Variants in PCDHA6 observed in about 807,000 individuals in gnomAD.
PCDHA6 encodes protocadherin alpha 6.
Under a neutral mutation model 60.3 loss-of-function variants are expected in PCDHA6, and 55 were observed. That is an observed-to-expected ratio of 0.91 (90% confidence interval 0.73 to 1.14). The LOEUF (loss-of-function observed/expected upper bound fraction) is 1.14. Ranked by LOEUF, PCDHA6 falls within the 50% of genes most tolerant of loss-of-function variation. The pLI, the probability that PCDHA6 is intolerant of heterozygous loss-of-function variation, is 0.00. For missense variants in PCDHA6, 1,327 were observed against 1,256.5 expected (o/e 1.06, Z -0.85); for synonymous variants, 652 against 557.9 (o/e 1.17, Z -2.38).
At chr5:140,847,615 C>T (rs1488974977) in intron 1 of PCDHA6, 1 of 149,268 alleles carries the variant, frequency 6.7e-6, no homozygotes, top group Non-Finnish European at 1.5e-5. Flanking sequence ...AATAACATTA[C>T]ACAAACTATA....
chr5:140,851,439 G>C (rs2042060539), intron 1 of PCDHA6: 1 of 927,140 alleles, frequency 1.1e-6, no homozygotes, highest in African/African-American at 1.8e-5. Flanking sequence ...GAAAACAGTT[G>C]CTCCACTTTA....
Position 140,928,056 on chromosome 5 carries a change from G to A in PCDHA6, c.2395-50893G>A, listed in dbSNP as rs183490994. ...CTAGTGCAGGCCCTTTTCAGCTGAC[G>A]GCTTCCTTTGACAACTACTACAGCC... On this transcript the variant is annotated intron_variant, in intron 1 of 3. Coordinates refer to ENST00000529310, the MANE Select transcript of PCDHA6 (RefSeq NM_018909.4). The A allele has an allele frequency of 2.8e-5, 45 of 1,614,154 alleles. 1 individual carries two copies. The East Asian group carries it at 4.7e-4, about 17-fold the overall frequency.
intron 1 of PCDHA6, among the ~76,000 whole-genome samples, chr5:140,948,738 A>T (rs1347138284): frequency 6.6e-6 from 1 of 151,488 alleles, no homozygotes; most frequent in African/African-American, 2.4e-5. Flanking sequence ...CTAGCTGAGA[A>T]TTTATCAATT....
intron 1 of PCDHA6, among the ~76,000 whole-genome samples, chr5:140,977,977 C>T (rs193229659): frequency 2.0e-5 from 3 of 152,222 alleles, no homozygotes; most frequent in South Asian, 2.1e-4. Context: ...CCCATGAAAA[C>T]GCATCTAGAG....
At chr5:140,944,124 G>T (rs922088265) in intron 1 of PCDHA6, among the ~76,000 whole-genome samples, 10 of 152,200 alleles carry the variant, frequency 6.6e-5, no homozygotes, top group Admixed American at 6.5e-4. Context: ...TACCAGAGAA[G>T]AAAAGGTTGA....
chr5:140,988,936 T>C (rs2097321406), intron 3 of PCDHA6: 1 of 152,158 alleles, frequency 6.6e-6, no homozygotes, highest in Non-Finnish European at 1.5e-5. Flanking sequence ...ACTGTTCTCT[T>C]AGGCTGCAGT....
At chr5:140,831,986 C>T (rs2150198716) in intron 1 of PCDHA6, among the ~76,000 whole-genome samples, 20 of 152,252 alleles carry the variant, frequency 1.3e-4, no homozygotes, top group African/African-American at 3.9e-4. Context: ...ACTCTCATTA[C>T]GGATTCCATA....
intron 1 of PCDHA6, among the ~76,000 whole-genome samples, chr5:140,947,885 A>G (rs2094188913): frequency 6.6e-6 from 1 of 151,584 alleles, no homozygotes; most frequent in Non-Finnish European, 1.5e-5. Context: ...AGGACAATAT[A>G]AACAGAAGTG....
intron 1 of PCDHA6, chr5:140,863,191 G>A: frequency 1.2e-6 from 1 of 802,224 alleles, no homozygotes; most frequent in Non-Finnish European, 2.1e-6. Flanking sequence ...CACCGTGGTG[G>A]CGTCGCTGGC....
chr5:140,990,686 G>A (rs1391341936), intron 3 of PCDHA6, among the ~76,000 whole-genome samples: 1 of 152,124 alleles, frequency 6.6e-6, no homozygotes, highest in Admixed American at 6.5e-5. Context: ...AGCTGCTTTC[G>A]GAGAGTCCAG....
At position 140,829,867 on chromosome 5, in the gene PCDHA6, G is replaced by T. The variant is rs2150176588; in HGVS notation, c.1776G>T (p.Ala592=). The T allele has an allele frequency of 6.2e-7, 1 of 1,613,948 alleles. No homozygotes were observed. Among genetic ancestry groups the T allele is most frequent in the Non-Finnish European group, 8.5e-7 (1 of 1,179,890 alleles). Residue 592 remains alanine, a synonymous_variant, in exon 1 of 4, where the codon GCG becomes GCT. Coordinates refer to ENST00000529310, the MANE Select transcript of PCDHA6 (RefSeq NM_018909.4). ...PRSLGAGQVV[A]KVRAVDADSG... ...CACTGGGTGCAGGCCAAGTGGTGGC[G>T]AAGGTGCGCGCAGTTGACGCCGACT...
rs563698448 is a variant in PCDHA6 at position 140,899,116 on chromosome 5, T to G, written c.2394+68631T>G. On this transcript the variant is annotated intron_variant, in intron 1 of 3. Transcript: ENST00000529310. ...CTGAGATAATGGGGTTTTCTAGATA[T>G]ACAATCATGTCTTCTGCAAACAGGG... 5.8e-3 allele frequency among the ~76,000 whole-genome samples: 880 copies of G among 152,244 alleles called. 11 individuals are homozygous for G. Among genetic ancestry groups the G allele is most frequent in the African/African-American group, 0.019 (802 of 41,486 alleles).
chr5:140,871,452 G>A (rs1207559291), intron 1 of PCDHA6: 2 of 1,608,490 alleles, frequency 1.2e-6, no homozygotes, highest in East Asian at 2.2e-5. Context: ...ATAAAGAGGA[G>A]GAAGGGGAAA....
At chr5:140,877,798 C>T in intron 1 of PCDHA6, 2 of 1,613,568 alleles carry the variant, frequency 1.2e-6, no homozygotes. Flanking sequence ...CAGCCCAAGC[C>T]TTCAGCTGTC....
At chr5:140,968,591 G>A (rs1289458266) in intron 1 of PCDHA6, 3 of 1,614,098 alleles carry the variant, frequency 1.9e-6, no homozygotes, top group Non-Finnish European at 2.5e-6. Flanking sequence ...CAAAGTCATA[G>A]CTATGGACTC....
chr5:140,971,537 G>T (rs1414023721), intron 1 of PCDHA6, among the ~76,000 whole-genome samples: 1 of 152,136 alleles, frequency 6.6e-6, no homozygotes, highest in Non-Finnish European at 1.5e-5. Flanking sequence ...AGTCATCATT[G>T]CCAGATCAAC....
At chr5:140,885,157 C>G (rs2060491561) in intron 1 of PCDHA6, among the ~76,000 whole-genome samples, 1 of 151,962 alleles carries the variant, frequency 6.6e-6, no homozygotes, top group African/African-American at 2.4e-5. Context: ...TTGATTGTCT[C>G]TACTTTTTTG....
rs370156477 is a variant in PCDHA6 at position 140,876,942 on chromosome 5, G to A, written c.2394+46457G>A. The A allele has an allele frequency of 2.2e-5, 35 of 1,613,660 alleles. 1 individual carries two copies. In the African/African-American group the frequency reaches 4.4e-4, roughly 20 times the overall value. On this transcript the variant is annotated intron_variant, in intron 1 of 3. Transcript: ENST00000529310. ...CGGACGCGCAGAAGAACGCGCTGGT[G>A]TCCTACTCGCTGGTGGAGCGGCGGG...
chr5:140,872,717 T>TA (rs781995084), intron 1 of PCDHA6, among the ~76,000 whole-genome samples: 11 of 152,194 alleles, frequency 7.2e-5, no homozygotes, highest in Non-Finnish European at 1.5e-4. Context: ...ACTAGGTAAA[T>TA]AAAATTATTC....
Sources: allele counts gnomAD v4.1 joint callset (sites outside exome capture counted in the v4.1 genomes callset), GRCh38; gene constraint gnomAD v4.1.1; transcripts MANE v1.5; gene names NCBI Gene and HGNC (gene_info 2026-07-23, HGNC 2026-07-21).